Variants in NAV3 observed in about 807,000 individuals in gnomAD.
NAV3 encodes the protein pore membrane and/or filament interacting like protein 1.
Under a neutral mutation model 244.7 loss-of-function variants are expected in NAV3, and 87 were observed. The ratio of observed to expected loss-of-function variants is 0.36; its 90% CI spans 0.30 to 0.42. The LOEUF (loss-of-function observed/expected upper bound fraction) is 0.42, where lower values mean the gene tolerates loss of function less well. Ranked by LOEUF, NAV3 falls within the 20% of genes least tolerant of loss-of-function variation. The pLI is 1.00. For synonymous variants in NAV3, 1,126 were observed against 1,042.2 expected (o/e 1.08, Z -1.55); for missense variants, 2,663 against 2,893.3 (o/e 0.92, Z 1.83).
intron 39 of NAV3, 30 bp downstream of exon 39, chr12:78,205,168 G>A: frequency 6.3e-7 from 1 of 1,598,084 alleles, no homozygotes; most frequent in Non-Finnish European, 8.6e-7. Flanking sequence ...TTCTTCCTAT[G>A]TAATCTTGAC....
intron 12 of NAV3, among the ~76,000 whole-genome samples, chr12:78,062,482 G>A (rs964728967): frequency 6.6e-6 from 1 of 151,958 alleles, no homozygotes; most frequent in African/African-American, 2.4e-5. Flanking sequence ...GAGTAATGAT[G>A]GATATTAACA....
In NAV3 at chr12:77,654,359, A is replaced by G. The variant is rs181758940; in HGVS notation, c.72+82093A>G. ...ACGGAGTCTCGCTGATTGCTAGTAC[A>G]GCAGTCTGAGATCAAACTGCAAGGC... On this transcript the variant is annotated intron_variant, in intron 2 of 8. Coordinates refer to the NAV3 transcript ENST00000550042. Among the ~76,000 whole-genome samples, 834 of 152,290 alleles carry G rather than the reference A, an allele frequency of 5.5e-3. 3 individuals are homozygous for G. Among genetic ancestry groups the G allele is most frequent in the Non-Finnish European group, 8.6e-3 (588 of 68,020 alleles).
chr12:78,181,954 G>C (rs778594217), intron 30 of NAV3, among the ~76,000 whole-genome samples: 1 of 151,932 alleles, frequency 6.6e-6, no homozygotes, highest in Non-Finnish European at 1.5e-5. Context: ...TGCTATTATG[G>C]CTGCTCTTCA....
At chr12:77,794,806 A>G (rs902887840) in intron 2 of NAV3, among the ~76,000 whole-genome samples, 3 of 152,124 alleles carry the variant, frequency 2.0e-5, no homozygotes, top group Non-Finnish European at 4.4e-5. Flanking sequence ...GTTATGTTGT[A>G]ATTGTTTTGG....
At chr12:78,202,098 G>A (rs1959772607) in intron 38 of NAV3, among the ~76,000 whole-genome samples, 2 of 151,668 alleles carry the variant, frequency 1.3e-5, no homozygotes, top group South Asian at 4.1e-4. Flanking sequence ...TCTACCCCAA[G>A]CAGAAGCCTC....
chr12:77,586,351 G>T lies in NAV3; in HGVS notation c.72+14085G>T, dbSNP rs144016837. Among the ~76,000 whole-genome samples, 331 of 152,194 alleles carry T rather than the reference G, an allele frequency of 2.2e-3. 1 individual carries two copies. In the Middle Eastern group the frequency reaches 0.045, roughly 20 times the overall value. On this transcript the variant is annotated intron_variant, in intron 2 of 8. Transcript: ENST00000550042. ...GAATATTATAATCAGCTTTTTATAT[G>T]CTTCTTTTACATGGTAAGATTCTTT...
chr12:78,127,971 G>C (rs959631269), intron 17 of NAV3, among the ~76,000 whole-genome samples: 1 of 151,972 alleles, frequency 6.6e-6, no homozygotes, highest in African/African-American at 2.4e-5. Context: ...ACTAATAGAG[G>C]TATAACACTG....
rs555110765 is a variant in NAV3 at position 77,878,741 on chromosome 12, T to A, written c.243+47037T>A. ...TGATTGTGAAGTCTCTGGTGCCAGG[T>A]GAGCTTAGACATGTTGATTACATTT... is the stretch of plus-strand genomic sequence containing the variant. On this transcript the variant is annotated intron_variant, in intron 1 of 39. Transcript: ENST00000397909. Among the ~76,000 whole-genome samples the A allele has an allele frequency of 9.9e-5, 15 of 152,094 alleles. No homozygotes were observed. The East Asian group carries it at 2.7e-3, about 27-fold the overall frequency.
At chr12:77,738,369 G>A (rs1017340283) in intron 2 of NAV3, among the ~76,000 whole-genome samples, 1 of 152,144 alleles carries the variant, frequency 6.6e-6, no homozygotes, top group Non-Finnish European at 1.5e-5. Context: ...CTTCTTCACA[G>A]GGTTATAGGA....
At chr12:77,738,164 A>G (rs933309354) in intron 2 of NAV3, among the ~76,000 whole-genome samples, 12 of 152,190 alleles carry the variant, frequency 7.9e-5, no homozygotes, top group African/African-American at 2.9e-4. Flanking sequence ...GGCAAGTTAA[A>G]TTTAAAAGGA....
In NAV3 at chr12:77,706,897, A is replaced by C. The variant is rs1443526889; in HGVS notation, c.72+134631A>C. 3.6e-5 allele frequency among the ~76,000 whole-genome samples: 5 copies of C among 140,440 alleles called. 1 individual carries two copies. Among genetic ancestry groups the C allele is most frequent in the African/African-American group, 1.4e-4 (5 of 35,486 alleles). The allele number at this position is 140,440 out of a possible 152,430, so 92.1% of individuals were successfully genotyped here. On this transcript the variant is annotated intron_variant, in intron 2 of 8. Coordinates refer to the NAV3 transcript ENST00000550042. The stretch of plus-strand genomic sequence containing the variant: ...AAAAAAAAAAAAAAAAAAAAAACCA[A>C]AAAAAAAAAAACTAGGAAAAAAAGC...
At chr12:77,881,728 T>C (rs573941724) in intron 1 of NAV3, among the ~76,000 whole-genome samples, 1 of 152,196 alleles carries the variant, frequency 6.6e-6, no homozygotes, top group East Asian at 1.9e-4. Context: ...TTTAGTAAAG[T>C]TCAGGATAGA....
intron 22 of NAV3, among the ~76,000 whole-genome samples, chr12:78,156,688 C>A (rs1451608327): frequency 6.6e-6 from 1 of 151,902 alleles, no homozygotes; most frequent in Non-Finnish European, 1.5e-5. Context: ...TTAGTAAGTG[C>A]TAATAAAGGG....
intron 5 of NAV3, among the ~76,000 whole-genome samples, chr12:77,972,087 A>G (rs1893041039): frequency 6.6e-6 from 1 of 152,190 alleles, no homozygotes; most frequent in Non-Finnish European, 1.5e-5. Flanking sequence ...GAAAGAATAG[A>G]GTAAGAAATT....
At chr12:78,072,871 G>T (rs1158654275) in intron 12 of NAV3, among the ~76,000 whole-genome samples, 1 of 98,036 alleles carries the variant, frequency 1.0e-5, no homozygotes, top group Non-Finnish European at 2.1e-5. Flanking sequence ...GGGATGCAAG[G>T]CTGGTTCAAT....
intron 8 of NAV3, among the ~76,000 whole-genome samples, chr12:78,009,187 A>C (rs1263898007): frequency 6.6e-6 from 1 of 152,200 alleles, no homozygotes; most frequent in Non-Finnish European, 1.5e-5. Context: ...AGGAAGCAGC[A>C]CAGCAGCACA....
chr12:77,788,168 T>G (rs1267471919), intron 2 of NAV3, among the ~76,000 whole-genome samples: 2 of 152,206 alleles, frequency 1.3e-5, no homozygotes, highest in African/African-American at 4.8e-5. Context: ...TGAATATCAA[T>G]AGACCCAAAT....
intron 2 of NAV3, among the ~76,000 whole-genome samples, chr12:77,646,363 T>C (rs1872604385): frequency 6.6e-6 from 1 of 152,188 alleles, no homozygotes; most frequent in African/African-American, 2.4e-5. Flanking sequence ...GCCTTCCTGC[T>C]GTGAGACAGA....
At position 78,198,592 on chromosome 12, in the gene NAV3, TA is replaced by T. The variant is rs746682227; in HGVS notation, c.6447-12del. ...CTCCAGTAAATTAAAATTTTCTATT[TA>T]TTTTTTTCTAGTCCATATATTATTG... On this transcript the variant is annotated splice_polypyrimidine_tract_variant and intron_variant, in intron 35 of 39. Transcript: ENST00000397909. The T allele has an allele frequency of 2.2e-5, 34 of 1,525,892 alleles. No individual in the cohort carries two copies. The highest frequency in any genetic ancestry group is 1.7e-4 in the Middle Eastern group (1 of 5,812). 94.5% of individuals were successfully genotyped at this position (1,525,892 alleles called of 1,614,324 possible).
Sources: gnomAD v4.1 joint callset for allele counts (sites outside exome capture counted in the v4.1 genomes callset) on GRCh38, gnomAD v4.1.1 for gene constraint, MANE v1.5 for transcripts, NCBI Gene and HGNC (gene_info 2026-07-23, HGNC 2026-07-21) for gene names.